The following IQCM variants were observed in gnomAD, a reference collection of about 807,000 sequenced individuals.
The protein encoded by IQCM is IQ domain-containing protein M.
Under a neutral mutation model 57.6 loss-of-function variants are expected in IQCM, and 45 were observed. That is an observed-to-expected ratio of 0.78 (90% CI 0.62 to 1.00). IQCM has a LOEUF of 1.00. Among genes scored for constraint, IQCM ranks in the 50% least tolerant of loss-of-function variants. The pLI, the probability that IQCM is intolerant of heterozygous loss-of-function variation, is 0.00. For synonymous variants in IQCM, 148 were observed against 158.9 expected, an observed-to-expected ratio of 0.93 and a Z score of 0.51; for missense variants, 468 against 511.6, an observed-to-expected ratio of 0.91 and a Z score of 0.82.
intron 5 of IQCM, among the ~76,000 whole-genome samples, chr4:149,687,714 A>G (rs1762647971): frequency 6.6e-6 from 1 of 151,968 alleles, no homozygotes. Context: ...AATACTAGCT[A>G]ACTGAGTCCA....
intron 13 of IQCM, among the ~76,000 whole-genome samples, chr4:149,395,233 A>G (rs527378812): frequency 5.9e-5 from 9 of 152,142 alleles, no homozygotes; most frequent in African/African-American, 2.2e-4. Context: ...AGAAAATCCT[A>G]TTTTCGTTGC....
chr4:149,384,550 C>T (rs571964414), intron 13 of IQCM, among the ~76,000 whole-genome samples: 2 of 152,034 alleles, frequency 1.3e-5, no homozygotes, highest in African/African-American at 2.4e-5. Context: ...CACAATTTAC[C>T]GTTTTTAGAA....
intron 7 of IQCM, among the ~76,000 whole-genome samples, chr4:149,663,727 A>C (rs1008818491): frequency 6.6e-6 from 1 of 151,996 alleles, no homozygotes; most frequent in African/African-American, 2.4e-5. Context: ...CAGTTTCTGT[A>C]ACTTGATGTT....
chr4:149,551,703 T>C (rs1286959353), intron 11 of IQCM, among the ~76,000 whole-genome samples: 1 of 108,142 alleles, frequency 9.2e-6, no homozygotes, highest in African/African-American at 3.9e-5. Context: ...GATTATATAA[T>C]ATAAACTACT....
At chr4:149,399,661 T>C (rs1732478043) in intron 13 of IQCM, among the ~76,000 whole-genome samples, 1 of 152,250 alleles carries the variant, frequency 6.6e-6, no homozygotes, top group South Asian at 2.1e-4. Context: ...GAGCACAGAC[T>C]GTGGAGTCAG....
intron 2 of IQCM, among the ~76,000 whole-genome samples, chr4:149,799,318 C>A (rs919399240): frequency 1.6e-4 from 24 of 151,460 alleles, no homozygotes; most frequent in Non-Finnish European, 7.4e-5. Context: ...ACACAACATA[C>A]CAAAACCCAT....
intron 13 of IQCM, among the ~76,000 whole-genome samples, chr4:149,372,237 T>C (rs1364787630): frequency 1.3e-5 from 2 of 152,208 alleles, no homozygotes; most frequent in Non-Finnish European, 2.9e-5. Flanking sequence ...CTTAGTTGTA[T>C]TTCTTCAAGT....
chr4:149,427,218 C>T (rs983272935), intron 13 of IQCM, among the ~76,000 whole-genome samples: 1 of 151,952 alleles, frequency 6.6e-6, no homozygotes, highest in African/African-American at 2.4e-5. Context: ...GTGAACATTT[C>T]TATGGCAGGT....
intron 2 of IQCM, among the ~76,000 whole-genome samples, chr4:149,759,441 A>G (rs181275387): frequency 1.3e-5 from 2 of 152,314 alleles, no homozygotes; most frequent in African/African-American, 2.4e-5. Context: ...AGGGTCATCA[A>G]TTGTAACAAA....
Position 149,621,137 on chromosome 4 carries a change from A to C in IQCM, c.673T>G (p.Tyr225Asp). 1 of 1,219,730 alleles carries C rather than the reference A, an allele frequency of 8.2e-7. No individual in the cohort carries two copies. The highest frequency in any genetic ancestry group is 1.0e-6 in the Non-Finnish European group (1 of 976,674). 75.6% of individuals were successfully genotyped at this position (1,219,730 alleles called of 1,614,324 possible). ...GTTTTATAAATACTTACAGAATAAT[A>C]ATCCCGAAATATTGATGATGATTGA... ...FSQSSSIFRD[Y>D]YSKTFKTLIK... The change falls in exon 8 of 14, where the codon TAT becomes GAT. Residue 225 changes from tyrosine to aspartate, a missense_variant. Physicochemically the swap from Tyr to Asp is radical, Grantham distance 160 (BLOSUM62 -3). Transcript: ENST00000636793.
chr4:149,433,519 T>C lies in IQCM; in HGVS notation c.1267A>G (p.Lys423Glu). 2 of 1,193,432 alleles carry C rather than the reference T, an allele frequency of 1.7e-6. No homozygotes were observed. The highest frequency in any genetic ancestry group is 1.0e-6 in the Non-Finnish European group (1 of 953,176). The allele number at this position is 1,193,432 out of a possible 1,614,324, so 73.9% of individuals were successfully genotyped here. Residue 423 changes from lysine to glutamate, a missense_variant, in exon 13 of 14, where the codon AAA becomes GAA. By Grantham distance (56) the Lys-to-Glu change is moderately conservative. Transcript: ENST00000636793. Reference sequence around the variant, plus strand: ...AGTGTAAATAACATTTCAATTGCTTTGGACTTTTTGATTAGTTCAGAATAT... The same window carrying C: ...AGTGTAAATAACATTTCAATTGCTTCGGACTTTTTGATTAGTTCAGAATAT... Reference protein sequence around the residue: ...EKYSELIKKSKAIEMLFTLYP... With the variant: ...EKYSELIKKSEAIEMLFTLYP...
chr4:149,769,477 T>C (rs1580250991), intron 2 of IQCM, among the ~76,000 whole-genome samples: 1 of 151,032 alleles, frequency 6.6e-6, no homozygotes, highest in African/African-American at 2.4e-5. Context: ...ACAGTCCAAG[T>C]CCCTCAAAAG....
In IQCM at chr4:149,373,849, T is replaced by C. The variant is rs144243358; in HGVS notation, c.1391-21783A>G. On this transcript the variant is annotated intron_variant, in intron 13 of 13. Coordinates refer to ENST00000636793, the MANE Select transcript of IQCM (RefSeq NM_001363507.2). ...TCAGAGGCCCATGGAACTCAAATTCTGGATGTTAATTATTTTCCACCAATT... is the reference window on the plus strand; with the variant it reads ...TCAGAGGCCCATGGAACTCAAATTCCGGATGTTAATTATTTTCCACCAATT... Among the ~76,000 whole-genome samples the C allele has an allele frequency of 4.0e-3, 603 of 152,210 alleles. 3 individuals carry two copies. Among genetic ancestry groups the C allele is most frequent in the African/African-American group, 0.014 (568 of 41,542 alleles).
intron 13 of IQCM, among the ~76,000 whole-genome samples, chr4:149,415,615 T>C (rs1469450658): frequency 6.6e-6 from 1 of 152,062 alleles, no homozygotes; most frequent in Admixed American, 6.6e-5. Context: ...CTAACAGCAA[T>C]GTTCACCCTA....
At chr4:149,645,990 C>T (rs1373027556) in intron 7 of IQCM, among the ~76,000 whole-genome samples, 1 of 152,158 alleles carries the variant, frequency 6.6e-6, no homozygotes, top group Non-Finnish European at 1.5e-5. Flanking sequence ...ATACTTCCTG[C>T]TTATACAGTG....
intron 12 of IQCM, among the ~76,000 whole-genome samples, chr4:149,532,573 A>C (rs1468489724): frequency 1.3e-5 from 2 of 148,658 alleles, no homozygotes; most frequent in African/African-American, 2.5e-5. Flanking sequence ...TCTTTTTATC[A>C]CTAGAGGACT....
At chr4:149,792,218 T>G (rs1772690173) in intron 2 of IQCM, among the ~76,000 whole-genome samples, 1 of 152,182 alleles carries the variant, frequency 6.6e-6, no homozygotes. Context: ...CATATTTATA[T>G]TCAACGAAAA....
chr4:149,737,319 A>C (rs1767031019), intron 3 of IQCM, among the ~76,000 whole-genome samples: 1 of 152,168 alleles, frequency 6.6e-6, no homozygotes, highest in Non-Finnish European at 1.5e-5. Flanking sequence ...TGTGCATTTC[A>C]TTGTATGTAC....
chr4:149,502,923 A>T (rs896569883), intron 12 of IQCM, among the ~76,000 whole-genome samples: 2 of 152,018 alleles, frequency 1.3e-5, no homozygotes, highest in African/African-American at 2.4e-5. Context: ...TACCAGAAAA[A>T]ATTTGATTAA....
Sources: allele counts gnomAD v4.1 joint callset (sites outside exome capture counted in the v4.1 genomes callset), GRCh38; gene constraint gnomAD v4.1.1; transcripts MANE v1.5; gene names NCBI Gene and HGNC (gene_info 2026-07-23, HGNC 2026-07-21).